Variants in PNKP observed in about 807,000 individuals in gnomAD.
PNKP encodes bifunctional polynucleotide phosphatase/kinase.
In PNKP, 82 loss-of-function variants were observed where a neutral mutation model predicts 66.2. That is an observed-to-expected ratio of 1.24 (90% confidence interval 1.04 to 1.49). PNKP has a LOEUF of 1.49. Ranked by LOEUF, PNKP falls within the 40% of genes most tolerant of loss-of-function variation. The pLI, the probability that PNKP is intolerant of heterozygous loss-of-function variation, is 0.00. For synonymous variants in PNKP, 412 were observed against 298.9 expected (o/e 1.38, Z -3.90); for missense variants, 907 against 706.8 (o/e 1.28, Z -3.21).
chr19:49,861,353 C>A lies in PNKP; in HGVS notation c.1461G>T (p.Glu487Asp). ...AGAAGCCTTCAGCCAGCGTTGGGGCCTCGAACTGCTTCCTGGCAGTGGTGG... is the reference window on the plus strand; with the variant it reads ...AGAAGCCTTCAGCCAGCGTTGGGGCATCGAACTGCTTCCTGGCAGTGGTGG... ...MVMYGYRKQF[E>D]APTLAEGFSA... Residue 487 changes from glutamate to aspartate, a missense_variant, in exon 17 of 17, where the codon GAG becomes GAT. Transcript: ENST00000322344. 1 of 1,614,202 alleles carries A rather than the reference C, an allele frequency of 6.2e-7. No individual in the cohort carries two copies. The highest frequency in any genetic ancestry group is 8.5e-7 in the Non-Finnish European group (1 of 1,180,010).
chr19:49,866,511 A>C (rs2074821830), intron 2 of PNKP, 66 bp from the exon 3 acceptor site: 1 of 1,479,590 alleles, frequency 6.8e-7, no homozygotes, highest in African/African-American at 1.4e-5. Flanking sequence ...ATTTCTGGGG[A>C]GTGTGGCCTG....
At chr19:49,867,387 A>T (rs1247908142) in intron 1 of PNKP, 82 bp downstream of exon 1, 1 of 667,270 alleles carries the variant, frequency 1.5e-6, no homozygotes, top group Non-Finnish European at 2.5e-6. Flanking sequence ...CGCGTGCTCC[A>T]TCCCTCCCCG....
chr19:49,861,692 G>A lies in PNKP; in HGVS notation c.1302C>T (p.Tyr434=), dbSNP rs747244348. 31 of 1,547,490 alleles carry A rather than the reference G, an allele frequency of 2.0e-5. No individual in the cohort carries two copies. The highest frequency in any genetic ancestry group is 2.0e-4 in the Admixed American group (10 of 50,944). The change falls in exon 15 of 17, where the codon TAC becomes TAT. Residue 434 remains tyrosine, a synonymous_variant. Coordinates refer to ENST00000322344, the MANE Select transcript of PNKP (RefSeq NM_007254.4). ...TNPDAASRAR[Y]VQCARAAGVP... Reference sequence around the variant, plus strand: ...CGCCCGCGGCTCGGGCACACTGGACGTACCTGTGGGGGAAGGAGCTGGATG... The same window carrying A: ...CGCCCGCGGCTCGGGCACACTGGACATACCTGTGGGGGAAGGAGCTGGATG...
chr19:49,864,561 G>A (rs976875130), intron 4 of PNKP, among the ~76,000 whole-genome samples, 158 bp from the exon 5 acceptor site: 1 of 152,162 alleles, frequency 6.6e-6, no homozygotes, highest in South Asian at 2.1e-4. Context: ...TCAAGCATCC[G>A]TGATGCCTCT....
chr19:49,861,253 CCTCGGAGAA>C lies in PNKP; in HGVS notation c.1552_1560del (p.Phe518_Glu520del), dbSNP rs1568657757. 1.2e-5 allele frequency: 19 copies of C among 1,593,968 alleles called. No individual in the cohort carries two copies. The highest frequency in any genetic ancestry group is 1.5e-5 in the Non-Finnish European group (18 of 1,161,924). On this transcript the variant is annotated inframe_deletion, in exon 17 of 17. Transcript: ENST00000322344. ...GGAGGGGAGCTGGGCGGGGCTCAGCCCTCGGAGAACTGGCAGTACAGCCGCCCCAGCCTC... is the reference window on the plus strand; with the variant it reads ...GGAGGGGAGCTGGGCGGGGCTCAGCCCTGGCAGTACAGCCGCCCCAGCCTC...
intron 2 of PNKP, 155 bp from the exon 3 acceptor site, chr19:49,866,600 T>C (rs557607051): frequency 2.7e-6 from 2 of 743,750 alleles, no homozygotes; most frequent in Non-Finnish European, 4.9e-6. Flanking sequence ...AGTAGCCAGA[T>C]AGTGGCACTA....
At position 49,861,209 on chromosome 19, in the gene PNKP, G is replaced by T; in HGVS notation, c.*39C>A. On this transcript the variant is annotated 3_prime_UTR_variant, in exon 17 of 17. Transcript: ENST00000322344. ...CAGCAAAATGCCGGCCAAGCTCAAGGAGAAACAGCGTTTATTGTGGAGGGG... is the reference window on the plus strand; with the variant it reads ...CAGCAAAATGCCGGCCAAGCTCAAGTAGAAACAGCGTTTATTGTGGAGGGG... 1 of 1,400,746 alleles carries T rather than the reference G, an allele frequency of 7.1e-7. No individual in the cohort carries two copies. The highest frequency in any genetic ancestry group is 1.0e-6 in the Non-Finnish European group (1 of 986,742). The allele number at this position is 1,400,746 out of a possible 1,614,324, so 86.8% of individuals were successfully genotyped here. A position where few individuals can be genotyped will look rare whatever the true frequency, so the allele number is the denominator to read the frequency against.
chr19:49,865,650 G>A lies in PNKP; in HGVS notation c.199-224C>T, dbSNP rs896313879. The A allele has an allele frequency of 4.4e-5, 22 of 500,414 alleles. 1 individual carries two copies. The East Asian group carries it at 6.6e-4, about 15-fold the overall frequency. The allele number at this position is 500,414 out of a possible 1,614,324, so 31.0% of individuals were successfully genotyped here. A position where few individuals can be genotyped will look rare whatever the true frequency, so the allele number is the denominator to read the frequency against. The stretch of plus-strand genomic sequence containing the variant: ...TCCCCTGGAGATATAGGCTTGTTTT[G>A]TCGCCCAGGCTGGAGTGCAGTGGTG... On this transcript the variant is annotated intron_variant, in intron 3 of 16. Transcript: ENST00000322344.
Position 49,862,515 on chromosome 19 carries a change from GGGGCAGGGGGCA to G in PNKP, c.936+11_936+22del, listed in dbSNP as rs2074783493. On this transcript the variant is annotated intron_variant, in intron 10 of 16. Coordinates refer to ENST00000322344, the MANE Select transcript of PNKP (RefSeq NM_007254.4). Reference sequence around the variant, plus strand: ...ACAGGCCAGGGTCGGGCTCGGGCGCGGGGCAGGGGGCAGGGGCCTCACCAGGCGATCGGCGCA... The same window carrying G: ...ACAGGCCAGGGTCGGGCTCGGGCGCGGGGGCCTCACCAGGCGATCGGCGCA... 1 of 1,602,860 alleles carries G rather than the reference GGGGCAGGGGGCA, an allele frequency of 6.2e-7. No homozygotes were observed. Among genetic ancestry groups the G allele is most frequent in the East Asian group, 2.3e-5 (1 of 44,318 alleles).
chr19:49,861,884 G>T lies in PNKP; in HGVS notation c.1189-3C>A. The T allele has an allele frequency of 6.3e-7, 1 of 1,584,246 alleles. No individual in the cohort carries two copies. Among genetic ancestry groups the T allele is most frequent in the Non-Finnish European group, 8.6e-7 (1 of 1,166,980 alleles). On this transcript the variant is annotated splice_polypyrimidine_tract_variant and splice_region_variant and intron_variant, in intron 13 of 16. Transcript: ENST00000322344. ...CGCTGCCAGGAGCCTAGCGTGTCCT[G>T]GGGACACGAGAGGTCACAAACAGAT...
rs753265392 is a variant in PNKP, at chr19:49,865,371, C to T, written c.254G>A (p.Gly85Asp). The change falls in exon 4 of 17, where the codon GGC (glycine) becomes GAC (aspartate). Residue 85 changes from glycine (G) to aspartate (D), a missense_variant. Transcript: ENST00000322344. ...CAGTGTGTCCCCCACCCCCAGAGAG[C>T]CCTCCAACCCCGGCTTCAACTCCTG... is the stretch of plus-strand genomic sequence containing the variant. ...GTQELKPGLEGSLGVGDTLYL... is the reference protein window; with the variant it reads ...GTQELKPGLEDSLGVGDTLYL... 2.5e-6 allele frequency: 4 copies of T among 1,613,236 alleles called. No individual in the cohort carries two copies. Among genetic ancestry groups the T allele is most frequent in the Non-Finnish European group, 3.4e-6 (4 of 1,179,572 alleles).
chr19:49,861,264 T>A lies in PNKP; in HGVS notation c.1550A>T (p.Gln517Leu), dbSNP rs2074752439. 1.9e-6 allele frequency: 3 copies of A among 1,607,812 alleles called. No homozygotes were observed. Among genetic ancestry groups the A allele is most frequent in the Non-Finnish European group, 1.7e-6 (2 of 1,174,610 alleles). Residue 517 changes from glutamine (Q) to leucine (L), a missense_variant, in exon 17 of 17, where the codon CAG (glutamine) becomes CTG (leucine). By Grantham distance (113) the Gln-to-Leu change is moderately radical. Transcript: ENST00000322344. ...VEPRLGRLYC[Q>L]FSEG ...GGGCGGGGCTCAGCCCTCGGAGAAC[T>A]GGCAGTACAGCCGCCCCAGCCTCGG...
rs1044286634 is a variant in PNKP at position 49,864,276 on chromosome 19, G to A, written c.579-40C>T. 5.0e-6 allele frequency: 8 copies of A among 1,612,632 alleles called. No homozygotes were observed. The African/African-American group carries it at 9.3e-5, about 19-fold the overall frequency. ...AAGCGGCAGGGGTGACCCGGGGCCAGAGGTGGACTCCAGGCCTCACTCACT... is the reference window on the plus strand; with the variant it reads ...AAGCGGCAGGGGTGACCCGGGGCCAAAGGTGGACTCCAGGCCTCACTCACT... On this transcript the variant is annotated intron_variant, in intron 5 of 16. Coordinates refer to ENST00000322344, the MANE Select transcript of PNKP (RefSeq NM_007254.4).
chr19:49,864,162 C>G lies in PNKP; in HGVS notation c.636+17G>C. 2 of 1,613,994 alleles carry G rather than the reference C, an allele frequency of 1.2e-6. No homozygotes were observed. The highest frequency in any genetic ancestry group is 2.2e-5 in the East Asian group (1 of 44,886). ...CGCCACGTGCACGTGCCCATGCAGA[C>G]AGGCGGCTGCACATACCTTGTAGCC... On this transcript the variant is annotated intron_variant, in intron 6 of 16. Coordinates refer to ENST00000322344, the MANE Select transcript of PNKP (RefSeq NM_007254.4).
chr19:49,865,050 A>C, intron 4 of PNKP, 77 bp downstream of exon 4: 2 of 1,269,784 alleles, frequency 1.6e-6, no homozygotes, highest in Non-Finnish European at 2.3e-6. Context: ...AGAGGCTAAA[A>C]AGTTGAGAGC....
chr19:49,861,782 TCG>T lies in PNKP; in HGVS notation c.1286_1287del (p.Ala429GlufsTer64). 6.4e-7 allele frequency: 1 copy of T among 1,565,464 alleles called. No individual in the cohort carries two copies. Among genetic ancestry groups the T allele is most frequent in the Non-Finnish European group, 8.6e-7 (1 of 1,157,870 alleles). On this transcript the variant is annotated frameshift_variant, in exon 14 of 17. Coordinates refer to ENST00000322344, the MANE Select transcript of PNKP (RefSeq NM_007254.4). LOFTEE classifies it high-confidence loss of function. The part of the protein sequence containing the change: ...VAIDNTNPDA[A>X]SRARYVQCAR... ...CCGCGGTCACGCTACCTGGCGCGGC[TCG>T]CGGCGTCTGGGTTTGTGTTGTCGAT...
chr19:49,862,594 G>A lies in PNKP; in HGVS notation c.880C>T (p.Pro294Ser). 2 of 1,613,548 alleles carry A rather than the reference G, an allele frequency of 1.2e-6. No individual in the cohort carries two copies. Among genetic ancestry groups the A allele is most frequent in the Non-Finnish European group, 1.7e-6 (2 of 1,179,752 alleles). ...TTCCGCCCCGGGGCCCAGTTGGCCG[G>A]GCGTCCGGCTGCGTCTGGAACACAC... is the stretch of plus-strand genomic sequence containing the variant. Reference protein sequence around the residue: ...SIFVGDAAGRPANWAPGRKKK... With the variant: ...SIFVGDAAGRSANWAPGRKKK... The change falls in exon 10 of 17, where the codon CCG (proline) becomes TCG (serine). Residue 294 changes from proline to serine, a missense_variant. Physicochemically the swap from Pro to Ser is moderately conservative, Grantham distance 74 (BLOSUM62 -1). Transcript: ENST00000322344.
At chr19:49,861,745 C>A in intron 14 of PNKP, 27 bp downstream of exon 14, 1 of 1,556,566 alleles carries the variant, frequency 6.4e-7, no homozygotes, top group Non-Finnish European at 8.7e-7. Context: ...CCGCCGCAGG[C>A]CACCTACGGC....
At position 49,865,397 on chromosome 19, in the gene PNKP, G is replaced by A; in HGVS notation, c.228C>T (p.Thr76=). ...CCTCCAACCCCGGCTTCAACTCCTG[G>A]GTCCCGGTAGTTGAGGGGTTAACTC... is the stretch of plus-strand genomic sequence containing the variant. The part of the protein sequence containing the change: ...QLGVNPSTTG[T]QELKPGLEGS... Residue 76 remains threonine, a synonymous_variant, in exon 4 of 17, where the codon ACC becomes ACT. Coordinates refer to ENST00000322344, the MANE Select transcript of PNKP (RefSeq NM_007254.4). 1 of 1,611,626 alleles carries A rather than the reference G, an allele frequency of 6.2e-7. No homozygotes were observed. Among genetic ancestry groups the A allele is most frequent in the Middle Eastern group, 1.7e-4 (1 of 5,724 alleles).
Sources: allele counts gnomAD v4.1 joint callset (sites outside exome capture counted in the v4.1 genomes callset), GRCh38; gene constraint gnomAD v4.1.1; transcripts MANE v1.5; gene names NCBI Gene and HGNC (gene_info 2026-07-23, HGNC 2026-07-21).